Variants in HROB observed in about 807,000 individuals in gnomAD.
The protein encoded by HROB is homologous recombination factor with OB-fold.
A neutral mutation model predicts 61.0 loss-of-function variants in HROB; 44 were observed. The ratio of observed to expected loss-of-function variants is 0.72; its 90% CI spans 0.57 to 0.93. The LOEUF (loss-of-function observed/expected upper bound fraction) is 0.93. HROB is among the 40% of genes least tolerant of loss of function. The probability of loss-of-function intolerance (pLI) is 0.00; values close to 1 mark genes in which losing one functional copy is unlikely to be tolerated. For synonymous variants in HROB, 301 were observed against 310.4 expected, an observed-to-expected ratio of 0.97 and a Z score of 0.32; for missense variants, 716 against 796.2, an observed-to-expected ratio of 0.90 and a Z score of 1.21.
chr17:44,157,481 T>C (rs887293121), intron 8 of HROB, among the ~76,000 whole-genome samples: 8 of 149,490 alleles, frequency 5.4e-5, no homozygotes, highest in Admixed American at 2.0e-4. Context: ...TGGCACGATA[T>C]TGGCTCACTG....
In HROB at chr17:44,142,010, C is replaced by T. The variant is rs145540215; in HGVS notation, c.-133C>T. On this transcript the variant is annotated 5_prime_UTR_variant, in exon 1 of 10. Coordinates refer to ENST00000585683, the MANE Select transcript of HROB (RefSeq NM_001171251.3). Reference sequence around the variant, plus strand: ...TTTCCCTATATCGCAGAGACTCATCCCTCTGACCCCAGCCCGGAAGCACTG... The same window carrying T: ...TTTCCCTATATCGCAGAGACTCATCTCTCTGACCCCAGCCCGGAAGCACTG... 1.4e-3 allele frequency: 1,732 copies of T among 1,280,538 alleles called. 24 individuals are homozygous for T. In the East Asian group the frequency reaches 0.023, roughly 17 times the overall value. The allele number at this position is 1,280,538 out of a possible 1,614,324, so 79.3% of individuals were successfully genotyped here.
intron 5 of HROB, chr17:44,154,352 G>A (rs1048176680): frequency 3.7e-5 from 20 of 539,480 alleles, no homozygotes; most frequent in African/African-American, 1.9e-4. Context: ...AAAAAAGAAC[G>A]GAGGCAGGGG....
chr17:44,159,550 G>A (rs560432135), intron 9 of HROB, among the ~76,000 whole-genome samples: 1 of 152,320 alleles, frequency 6.6e-6, no homozygotes, highest in East Asian at 1.9e-4. Context: ...TACCACCAAT[G>A]CGTGGAGTCC....
At chr17:44,152,874 C>T (rs1333450908) in intron 5 of HROB, 97 bp downstream of exon 5, 1 of 1,419,602 alleles carries the variant, frequency 7.0e-7, no homozygotes, top group Non-Finnish European at 9.6e-7. Context: ...GCTGTTTGCT[C>T]CCTCGTACCC....
At chr17:44,157,742 A>G (rs2054014153) in intron 8 of HROB, 91 bp from the exon 9 acceptor site, 4 of 914,264 alleles carry the variant, frequency 4.4e-6, no homozygotes, top group Non-Finnish European at 6.7e-6. Flanking sequence ...TGAGCCCCAC[A>G]CTGTTCGTTT....
intron 5 of HROB, 57 bp downstream of exon 5, chr17:44,152,834 A>G (rs781215101): frequency 3.8e-6 from 6 of 1,587,822 alleles, no homozygotes; most frequent in Non-Finnish European, 5.2e-6. Context: ...CCTCTCTCTG[A>G]CCTACTGCCC....
intron 5 of HROB, 57 bp downstream of exon 5, chr17:44,152,834 A>ACCTACTGC: frequency 6.3e-7 from 1 of 1,587,822 alleles, no homozygotes; most frequent in Non-Finnish European, 8.6e-7. Context: ...CCTCTCTCTG[A>ACCTACTGC]CCTACTGCCC....
At chr17:44,156,922 A>G (rs1235128601) in intron 8 of HROB, among the ~76,000 whole-genome samples, 2 of 152,016 alleles carry the variant, frequency 1.3e-5, no homozygotes, top group Non-Finnish European at 2.9e-5. Flanking sequence ...CAGCCTCCCA[A>G]AGTATTGGGA....
rs1461771618 is a variant in HROB at position 44,161,742 on chromosome 17, G to T, written c.1880-129G>T. 8 of 940,922 alleles carry T rather than the reference G, an allele frequency of 8.5e-6. No homozygotes were observed. The Admixed American group carries it at 1.2e-4, about 14-fold the overall frequency. 58.3% of individuals were successfully genotyped at this position (940,922 alleles called of 1,614,324 possible). A position where few individuals can be genotyped will look rare whatever the true frequency, so the allele number is the denominator to read the frequency against. ...CAGGCCCATTGGCATGGGTACCACT[G>T]CCTGGAGGAGCCGCCTGCCCAGCTA... On this transcript the variant is annotated intron_variant, in intron 9 of 9. Transcript: ENST00000585683.
At chr17:44,155,891 T>C (rs865976464) in intron 8 of HROB, among the ~76,000 whole-genome samples, 1 of 152,146 alleles carries the variant, frequency 6.6e-6, no homozygotes, top group African/African-American at 2.4e-5. Flanking sequence ...GACATCCTCT[T>C]TAGGAACCGA....
rs1273465307 is a variant in HROB, at chr17:44,148,350, A to G, written c.547A>G (p.Ile183Val). The change falls in exon 3 of 10, where the codon ATA becomes GTA. Residue 183 changes from isoleucine to valine, a missense_variant. By Grantham distance (29) the Ile-to-Val change is conservative. Coordinates refer to ENST00000585683, the MANE Select transcript of HROB (RefSeq NM_001171251.3). ...GGAATGTGGAGTCAGCAGTGAGGCC[A>G]TACCAATCCTGCCTGCCCAGCAGCG... ...ELECGVSSEA[I>V]PILPAQQREG... 1 of 1,614,026 alleles carries G rather than the reference A, an allele frequency of 6.2e-7. No individual in the cohort carries two copies. Among genetic ancestry groups the G allele is most frequent in the Non-Finnish European group, 8.5e-7 (1 of 1,180,018 alleles).
intron 1 of HROB, among the ~76,000 whole-genome samples, chr17:44,144,430 C>G (rs2053552020): frequency 6.6e-6 from 1 of 152,022 alleles, no homozygotes; most frequent in African/African-American, 2.4e-5. Context: ...TGTGAGCCAC[C>G]ACGCCCGACC....
intron 5 of HROB, 82 bp from the exon 6 acceptor site, chr17:44,154,474 C>A: frequency 3.0e-6 from 4 of 1,344,840 alleles, no homozygotes; most frequent in Non-Finnish European, 4.3e-6. Context: ...CTCCTAACCC[C>A]GGTTGCCCTG....
intron 2 of HROB, 27 bp from the exon 3 acceptor site, chr17:44,147,831 A>G (rs1177259482): frequency 1.3e-6 from 2 of 1,590,236 alleles, no homozygotes; most frequent in African/African-American, 1.3e-5. Context: ...CCAGATGCCA[A>G]GACCTACCAT....
At chr17:44,156,941 A>G (rs760920703) in intron 8 of HROB, among the ~76,000 whole-genome samples, 1 of 152,090 alleles carries the variant, frequency 6.6e-6, no homozygotes, top group Admixed American at 6.6e-5. Context: ...GATTACAGGC[A>G]TGAACTAGGC....
At position 44,150,951 on chromosome 17, in the gene HROB, C is replaced by T; in HGVS notation, c.1225-10C>T. Reference sequence around the variant, plus strand: ...GCTTGCTCTCATCTTCTCCTTCCCTCCCCTCTTAGCAGAGTGGGAGAAGTC... The same window carrying T: ...GCTTGCTCTCATCTTCTCCTTCCCTTCCCTCTTAGCAGAGTGGGAGAAGTC... On this transcript the variant is annotated splice_polypyrimidine_tract_variant and intron_variant, in intron 3 of 9. Coordinates refer to ENST00000585683, the MANE Select transcript of HROB (RefSeq NM_001171251.3). 6.2e-7 allele frequency: 1 copy of T among 1,604,700 alleles called. No individual in the cohort carries two copies. Among genetic ancestry groups the T allele is most frequent in the Non-Finnish European group, 8.5e-7 (1 of 1,172,806 alleles).
At chr17:44,154,359 G>A in intron 5 of HROB, 197 bp from the exon 6 acceptor site, 1 of 562,622 alleles carries the variant, frequency 1.8e-6, no homozygotes, top group Non-Finnish European at 3.2e-6. Flanking sequence ...AACGGAGGCA[G>A]GGGAGAGAAA....
In HROB at chr17:44,147,977, C is replaced by T. The variant is rs1013576538; in HGVS notation, c.174C>T (p.Ser58=). 5.6e-6 allele frequency: 9 copies of T among 1,613,950 alleles called. No homozygotes were observed. In the Admixed American group the frequency reaches 8.3e-5, roughly 15 times the overall value. ...RPQETVQAQS[S]RLLLLHPTAP... is the part of the protein sequence containing the mutation. ...AGGAGACTGTGCAGGCACAGTCCTC[C>T]AGGCTGCTGCTGTTACACCCCACTG... Residue 58 remains serine, a synonymous_variant, in exon 3 of 10, where the codon TCC becomes TCT. Coordinates refer to ENST00000585683, the MANE Select transcript of HROB (RefSeq NM_001171251.3).
intron 1 of HROB, among the ~76,000 whole-genome samples, chr17:44,142,560 G>A (rs1419714263): frequency 7.3e-6 from 1 of 137,090 alleles, no homozygotes; most frequent in African/African-American, 2.7e-5. Context: ...GTCGTCTCCC[G>A]CCCACCCCTT....
Sources: allele counts gnomAD v4.1 joint callset (sites outside exome capture counted in the v4.1 genomes callset), GRCh38; gene constraint gnomAD v4.1.1; transcripts MANE v1.5; gene names NCBI Gene and HGNC (gene_info 2026-07-23, HGNC 2026-07-21).